JHY: variants seen among roughly 807,000 people sequenced by gnomAD.
The protein encoded by JHY is junctional cadherin complex regulator, also known as jhy protein homolog.
A neutral mutation model predicts 78.0 loss-of-function variants in JHY; 69 were observed. The observed-to-expected ratio is 0.88, with a 90% CI of 0.73 to 1.08. The LOEUF is 1.08. JHY is among the 50% of genes least tolerant of loss of function. The pLI is 0.00. For synonymous variants in JHY, 368 were observed against 342.6 expected (o/e 1.07, Z -0.82); for missense variants, 944 against 927.8 (o/e 1.02, Z -0.23).
In JHY at chr11:122,959,527, G is replaced by A. The variant is rs940008594; in HGVS notation, c.*82G>A. ...AAACGCCAACCACCTTCTCTGCGTT[G>A]AGAGTAATGGCCTATTATTATCATC... On this transcript the variant is annotated 3_prime_UTR_variant, in exon 9 of 9. Transcript: ENST00000227349. 11 of 1,289,056 alleles carry A rather than the reference G, an allele frequency of 8.5e-6. No homozygotes were observed. In the African/African-American group the frequency reaches 1.6e-4, roughly 19 times the overall value. 79.9% of individuals were successfully genotyped at this position (1,289,056 alleles called of 1,614,324 possible).
chr11:122,956,474 G>A, intron 6 of JHY, 22 bp from the exon 7 acceptor site: 1 of 1,611,238 alleles, frequency 6.2e-7, no homozygotes, highest in South Asian at 1.1e-5. Flanking sequence ...AAAAGAAACT[G>A]TTTCTGTGGT....
chr11:122,907,525 A>G (rs887856273), intron 3 of JHY, among the ~76,000 whole-genome samples: 4 of 152,166 alleles, frequency 2.6e-5, no homozygotes, highest in Non-Finnish European at 4.4e-5. Context: ...CTGGCTAGAT[A>G]TCAGAATCAC....
At chr11:122,955,411 G>A (rs550962615) in intron 6 of JHY, among the ~76,000 whole-genome samples, 35 of 152,252 alleles carry the variant, frequency 2.3e-4, no homozygotes, top group East Asian at 1.9e-4. Context: ...ATGAGTCACC[G>A]CGCCCAGCCT....
chr11:122,934,915 G>C lies in JHY; in HGVS notation c.1474G>C (p.Asp492His). Residue 492 changes from aspartate to histidine, a missense_variant, in exon 5 of 9, where the codon GAT becomes CAT. By Grantham distance (81) the Asp-to-His change is moderately conservative. Coordinates refer to ENST00000227349, the MANE Select transcript of JHY (RefSeq NM_024806.4). Reference sequence around the variant, plus strand: ...GCAGCTACACACCCTTTCTGACATGGATTTGAACAACCTTAATGAACTTTC... The same window carrying C: ...GCAGCTACACACCCTTTCTGACATGCATTTGAACAACCTTAATGAACTTTC... ...YQQLHTLSDM[D>H]LNNLNELSKR... 5.0e-6 allele frequency: 8 copies of C among 1,614,054 alleles called. No individual in the cohort carries two copies. Among genetic ancestry groups the C allele is most frequent in the Non-Finnish European group, 6.8e-6 (8 of 1,180,010 alleles).
At chr11:122,946,858 A>C in intron 6 of JHY, 66 bp downstream of exon 6, 8 of 1,524,964 alleles carry the variant, frequency 5.2e-6, no homozygotes, top group Non-Finnish European at 7.1e-6. Flanking sequence ...ACCTTGATGT[A>C]ATTATAGCCC....
intron 3 of JHY, among the ~76,000 whole-genome samples, chr11:122,922,864 C>G (rs1232331017): frequency 7.4e-6 from 1 of 135,844 alleles, no homozygotes; most frequent in Admixed American, 7.6e-5. Flanking sequence ...TGAACACAAA[C>G]AGGACAGATC....
chr11:122,884,218 G>T (rs1054795255), intron 1 of JHY, among the ~76,000 whole-genome samples: 1 of 152,134 alleles, frequency 6.6e-6, no homozygotes, highest in African/African-American at 2.4e-5. Flanking sequence ...ACATATGAAC[G>T]TTCCCTTTTG....
rs545767427 is a variant in JHY, at chr11:122,887,058, G to C, written c.344+865G>C. On this transcript the variant is annotated intron_variant, in intron 2 of 8. Transcript: ENST00000227349. ...CTGAGGATATGAGAGTACAGAAGAA[G>C]GTAAAAGCTATTGATTAGGAGGAGG... Among the ~76,000 whole-genome samples the C allele has an allele frequency of 5.9e-5, 9 of 152,290 alleles. No homozygotes were observed. The South Asian group carries it at 1.9e-3, about 32-fold the overall frequency.
chr11:122,897,617 C>A (rs951690399), intron 2 of JHY, among the ~76,000 whole-genome samples: 25 of 152,226 alleles, frequency 1.6e-4, no homozygotes, highest in Non-Finnish European at 5.9e-5. Flanking sequence ...AATCTGGTGG[C>A]ACCAGGAAAT....
chr11:122,952,786 A>G (rs117648792), intron 6 of JHY, among the ~76,000 whole-genome samples: 20 of 152,314 alleles, frequency 1.3e-4, no homozygotes, highest in Admixed American at 3.3e-4. Flanking sequence ...TCTTTGGACA[A>G]ATTGGATTTA....
intron 5 of JHY, among the ~76,000 whole-genome samples, chr11:122,942,341 C>T (rs1157939129): frequency 6.6e-6 from 1 of 152,072 alleles, no homozygotes; most frequent in Admixed American, 6.6e-5. Context: ...TTTGTTTTCT[C>T]TTTTATCCAT....
chr11:122,958,045 T>C (rs1301060845), intron 8 of JHY, among the ~76,000 whole-genome samples: 2 of 152,180 alleles, frequency 1.3e-5, no homozygotes, highest in African/African-American at 4.8e-5. Flanking sequence ...AAAAGACATA[T>C]AAACACTGTT....
intron 3 of JHY, among the ~76,000 whole-genome samples, chr11:122,920,344 A>G (rs950777875): frequency 6.6e-6 from 1 of 152,226 alleles, no homozygotes; most frequent in Non-Finnish European, 1.5e-5. Context: ...TGTCAATACT[A>G]TCAAAGAATG....
chr11:122,946,771 TAAGAA>T lies in JHY; in HGVS notation c.1914_1918del (p.Arg639GlnfsTer3). On this transcript the variant is annotated frameshift_variant, in exon 6 of 9. Transcript: ENST00000227349. LOFTEE classifies it high-confidence loss of function. ...TTCAACTGGAAAAGGGAAAAAAGCA[TAAGAA>T]AAGAAGCAGCAGTAAGGTAATAAAA... is the stretch of plus-strand genomic sequence containing the variant. The T allele has an allele frequency of 6.2e-7, 1 of 1,612,356 alleles. No individual in the cohort carries two copies. The highest frequency in any genetic ancestry group is 1.1e-5 in the South Asian group (1 of 90,614).
At chr11:122,929,389 G>A (rs1486261781) in intron 4 of JHY, among the ~76,000 whole-genome samples, 2 of 152,094 alleles carry the variant, frequency 1.3e-5, no homozygotes, top group African/African-American at 2.4e-5. Flanking sequence ...CTAAGAAGAC[G>A]GAGAAATAAC....
At chr11:122,923,982 C>A (rs1164008674) in intron 3 of JHY, among the ~76,000 whole-genome samples, 4 of 150,780 alleles carry the variant, frequency 2.7e-5, no homozygotes, top group Non-Finnish European at 5.9e-5. Flanking sequence ...CGTGATCCAC[C>A]CACCTTGGCT....
intron 3 of JHY, among the ~76,000 whole-genome samples, chr11:122,918,323 A>G (rs1456234159): frequency 1.3e-5 from 2 of 151,554 alleles, no homozygotes; most frequent in Admixed American, 1.3e-4. Flanking sequence ...GCAACAGACA[A>G]AATAGATAAA....
rs1864271590 is a variant in JHY at position 122,959,692 on chromosome 11, A to G, written c.*247A>G. 2.4e-6 allele frequency: 1 copy of G among 421,284 alleles called. No individual in the cohort carries two copies. The highest frequency in any genetic ancestry group is 4.2e-6 in the Non-Finnish European group (1 of 239,888). 26.1% of individuals were successfully genotyped at this position (421,284 alleles called of 1,614,324 possible). A position where few individuals can be genotyped will look rare whatever the true frequency, so the allele number is the denominator to read the frequency against. On this transcript the variant is annotated 3_prime_UTR_variant, in exon 9 of 9. Transcript: ENST00000227349. ...CAGTTAGAATTGGAGCTGAATAATA[A>G]CTAGAGAATAAAGCTTTTGTTTTAT... is the stretch of plus-strand genomic sequence containing the variant.
At chr11:122,920,611 C>G (rs1464406589) in intron 3 of JHY, among the ~76,000 whole-genome samples, 1 of 152,158 alleles carries the variant, frequency 6.6e-6, no homozygotes, top group Non-Finnish European at 1.5e-5. Flanking sequence ...TTTCTTTGAG[C>G]AAGAAGTAGC....
Sources: allele counts gnomAD v4.1 joint callset (sites outside exome capture counted in the v4.1 genomes callset), GRCh38; gene constraint gnomAD v4.1.1; transcripts MANE v1.5; gene names NCBI Gene and HGNC (gene_info 2026-07-23, HGNC 2026-07-21).